Variants in RCC1 observed in about 807,000 individuals in gnomAD.
RCC1 encodes the protein regulator of chromosome condensation 1, also known as regulator of chromosome condensation.
A neutral mutation model predicts 44.4 loss-of-function variants in RCC1; 11 were observed. The ratio of observed to expected loss-of-function variants is 0.25; its 90% CI spans 0.16 to 0.41. The LOEUF is 0.41. RCC1 is among the 10% of genes least tolerant of loss of function. The pLI is 1.00. For synonymous variants in RCC1, 213 were observed against 216.5 expected, an observed-to-expected ratio of 0.98 and a Z score of 0.14; for missense variants, 386 against 547.1, an observed-to-expected ratio of 0.71 and a Z score of 2.94.
Position 28,535,525 on chromosome 1 carries a change from G to A in RCC1, c.661+145G>A, listed in dbSNP as rs1022306674. ...AGGACTTTGGAGACAGACTGCTCTGGTAGTTTTGCCACCTACTGTCTATGG... is the reference window on the plus strand; with the variant it reads ...AGGACTTTGGAGACAGACTGCTCTGATAGTTTTGCCACCTACTGTCTATGG... On this transcript the variant is annotated intron_variant, in intron 9 of 12. Transcript: ENST00000683442. The A allele has an allele frequency of 1.6e-5, 21 of 1,300,352 alleles. No individual in the cohort carries two copies. The Admixed American group carries it at 1.8e-4, about 11-fold the overall frequency. 80.6% of individuals were successfully genotyped at this position (1,300,352 alleles called of 1,614,324 possible).
At chr1:28,520,328 G>T (rs1454462030) in intron 4 of RCC1, among the ~76,000 whole-genome samples, 2 of 152,204 alleles carry the variant, frequency 1.3e-5, no homozygotes, top group Non-Finnish European at 2.9e-5. Context: ...TCCTTTTACA[G>T]AAATCGAGGC....
At position 28,535,166 on chromosome 1, in the gene RCC1, C is replaced by T. The variant is rs762110481; in HGVS notation, c.538+20C>T. ...CCTCAGGTGGGTCTGGGGGCACTTG[C>T]TCAGGGCAGGAGTTGGAGGACCTTG... On this transcript the variant is annotated intron_variant, in intron 8 of 12. Transcript: ENST00000683442. 3.7e-6 allele frequency: 6 copies of T among 1,613,900 alleles called. No homozygotes were observed. The Admixed American group carries it at 8.3e-5, about 22-fold the overall frequency.
At chr1:28,508,283 A>G in intron 2 of RCC1, 123 bp downstream of exon 2, 1 of 358,254 alleles carries the variant, frequency 2.8e-6, no homozygotes, top group Non-Finnish European at 5.6e-6. Flanking sequence ...GCATTTAATC[A>G]TTCTCAGAGC....
chr1:28,508,455 A>G (rs1191482870), intron 2 of RCC1: 2 of 424,956 alleles, frequency 4.7e-6, no homozygotes, highest in South Asian at 1.6e-5. Flanking sequence ...GGCTTTATCT[A>G]CATGTGTAGC....
chr1:28,533,199 C>T lies in RCC1; in HGVS notation c.441+849C>T, dbSNP rs376768053. ...AAAGTAATCAGAATTGGGCTGGGCGCGGTGGCTCATGCCTGTAATCCCAGC... is the reference window on the plus strand; with the variant it reads ...AAAGTAATCAGAATTGGGCTGGGCGTGGTGGCTCATGCCTGTAATCCCAGC... On this transcript the variant is annotated intron_variant, in intron 7 of 12. Coordinates refer to ENST00000683442, the MANE Select transcript of RCC1 (RefSeq NM_001381865.2). Among the ~76,000 whole-genome samples the T allele has an allele frequency of 3.3e-4, 50 of 151,528 alleles. 1 individual carries two copies. Among genetic ancestry groups the T allele is most frequent in the East Asian group, 1.8e-3 (9 of 5,020 alleles).
intron 5 of RCC1, chr1:28,530,600 C>G: frequency 1.2e-6 from 2 of 1,604,626 alleles, no homozygotes; most frequent in Non-Finnish European, 1.7e-6. Flanking sequence ...CCCTCCTGAC[C>G]AGAAAACCCG....
At chr1:28,526,760 G>A (rs372372629) in intron 4 of RCC1, 23 of 540,788 alleles carry the variant, frequency 4.3e-5, no homozygotes, top group South Asian at 2.6e-4. Context: ...GCCAGGCGTC[G>A]TGGCAGGCGC....
intron 3 of RCC1, 95 bp downstream of exon 3, chr1:28,509,000 G>A (rs1557865354): frequency 1.4e-5 from 6 of 425,928 alleles, no homozygotes; most frequent in Non-Finnish European, 2.8e-5. Flanking sequence ...CCTTTTGAGA[G>A]TCTTGCTCTG....
intron 4 of RCC1, among the ~76,000 whole-genome samples, chr1:28,519,324 A>G (rs1269877017): frequency 6.6e-6 from 1 of 152,158 alleles, no homozygotes; most frequent in Non-Finnish European, 1.5e-5. Flanking sequence ...GTGCAAGACT[A>G]AGGAACTCTG....
chr1:28,510,980 G>A (rs1335079977), intron 3 of RCC1: 2 of 152,178 alleles, frequency 1.3e-5, no homozygotes, highest in African/African-American at 2.4e-5. Flanking sequence ...AATTTCTATT[G>A]ACTTGCAAGG....
intron 7 of RCC1, among the ~76,000 whole-genome samples, chr1:28,534,533 G>A (rs1664422142): frequency 6.6e-6 from 1 of 152,168 alleles, no homozygotes; most frequent in Non-Finnish European, 1.5e-5. Flanking sequence ...AGGCCAGAGT[G>A]CAATGGCATC....
intron 7 of RCC1, among the ~76,000 whole-genome samples, chr1:28,533,936 GAC>G (rs1374176283): frequency 1.8e-5 from 2 of 112,108 alleles, no homozygotes; most frequent in Non-Finnish European, 3.3e-5. Context: ...GGAGTGCAAT[GAC>G]ACAATCTCGG....
In RCC1 at chr1:28,529,849, G is replaced by C. The variant is rs1180080150; in HGVS notation, c.-9-9G>C. 6.2e-7 allele frequency: 1 copy of C among 1,612,432 alleles called. No individual in the cohort carries two copies. Among genetic ancestry groups the C allele is most frequent in the East Asian group, 2.2e-5 (1 of 44,886 alleles). On this transcript the variant is annotated splice_polypyrimidine_tract_variant and intron_variant, in intron 4 of 12. Coordinates refer to ENST00000683442, the MANE Select transcript of RCC1 (RefSeq NM_001381865.2). The stretch of plus-strand genomic sequence containing the variant: ...CATTTCTCATATGTAGTATTTGACT[G>C]ACTTTCAGGACAGGAAGATGTCACC...
intron 3 of RCC1, among the ~76,000 whole-genome samples, chr1:28,511,402 TG>T (rs1252989231): frequency 2.1e-4 from 28 of 131,798 alleles, no homozygotes; most frequent in African/African-American, 5.1e-4. Flanking sequence ...TTTTGTTTTT[TG>T]TTTTTTTTTT....
At chr1:28,528,464 A>G (rs1663842849) in intron 4 of RCC1, among the ~76,000 whole-genome samples, 1 of 152,106 alleles carries the variant, frequency 6.6e-6, no homozygotes, top group African/African-American at 2.4e-5. Flanking sequence ...CAAAAAAACA[A>G]AAACAAAACA....
intron 4 of RCC1, 51 bp from the exon 5 acceptor site, chr1:28,529,807 C>A: frequency 7.1e-7 from 1 of 1,402,790 alleles, no homozygotes; most frequent in Non-Finnish European, 1.0e-6. Flanking sequence ...GTCTGATTGG[C>A]CCAGGAAAAT....
chr1:28,509,865 A>AT (rs1662372265), intron 3 of RCC1: 1 of 152,202 alleles, frequency 6.6e-6, no homozygotes, highest in East Asian at 1.9e-4. Flanking sequence ...AGTTAGACCG[A>AT]TTCTTTAGCT....
chr1:28,533,708 T>C (rs1379512377), intron 7 of RCC1, among the ~76,000 whole-genome samples: 1 of 122,860 alleles, frequency 8.1e-6, no homozygotes, highest in Admixed American at 9.9e-5. Flanking sequence ...AGGCGGAGGT[T>C]GCAGTGAGCC....
In RCC1 at chr1:28,506,099, TG is replaced by T; in HGVS notation, c.-262+17del. On this transcript the variant is annotated intron_variant, in intron 1 of 12. Transcript: ENST00000683442. ...TCTTCTCCTTGGTAAGTGTGATCCT[TG>T]GTAAGTGTGATCAGATGCTTGCCAC... 1 of 455,766 alleles carries T rather than the reference TG, an allele frequency of 2.2e-6. No homozygotes were observed. Among genetic ancestry groups the T allele is most frequent in the Non-Finnish European group, 4.4e-6 (1 of 226,716 alleles). 28.2% of individuals were successfully genotyped at this position (455,766 alleles called of 1,614,324 possible).
Sources: allele counts gnomAD v4.1 joint callset (sites outside exome capture counted in the v4.1 genomes callset), GRCh38; gene constraint gnomAD v4.1.1; transcripts MANE v1.5; gene names NCBI Gene and HGNC (gene_info 2026-07-23, HGNC 2026-07-21).